ADORA2B: variants seen among roughly 807,000 people sequenced by gnomAD.
ADORA2B encodes adenosine receptor A2b.
A neutral mutation model predicts 20.8 loss-of-function variants in ADORA2B; 18 were observed. The ratio of observed to expected loss-of-function variants is 0.87; its 90% CI spans 0.60 to 1.29. The LOEUF (loss-of-function observed/expected upper bound fraction) is 1.29, where lower values mean the gene tolerates loss of function less well. Among genes scored for constraint, ADORA2B ranks in the 50% most tolerant of loss-of-function variants. The probability of loss-of-function intolerance (pLI) is 0.00; values close to 1 mark genes in which losing one functional copy is unlikely to be tolerated. For synonymous variants in ADORA2B, 179 were observed against 178.3 expected, an observed-to-expected ratio of 1.00 and a Z score of -0.03; for missense variants, 441 against 422.7, an observed-to-expected ratio of 1.04 and a Z score of -0.38.
chr17:15,951,850 G>T (rs186442412), intron 1 of ADORA2B, among the ~76,000 whole-genome samples: 2 of 152,198 alleles, frequency 1.3e-5, no homozygotes, highest in African/African-American at 4.8e-5. Flanking sequence ...GAAGGAGGCC[G>T]GGAAGGAGGG....
At chr17:15,918,402 C>CCTAGT in the ADORA2B span, among the ~76,000 whole-genome samples, 1 of 152,206 alleles carries the variant, frequency 6.6e-6, no homozygotes, top group Non-Finnish European at 1.5e-5. Flanking sequence ...AGTTTGTAGG[C>CCTAGT]TGAGTACAGT....
the ADORA2B span, among the ~76,000 whole-genome samples, chr17:15,907,681 A>C: frequency 1.4e-4 from 22 of 152,310 alleles, no homozygotes; most frequent in East Asian, 3.9e-3. Flanking sequence ...ACAACAACAA[A>C]AAACACATTA....
intron 1 of ADORA2B, among the ~76,000 whole-genome samples, chr17:15,969,899 G>A (rs1970168775): frequency 1.3e-5 from 2 of 152,200 alleles, no homozygotes; most frequent in Non-Finnish European, 2.9e-5. Flanking sequence ...CGGTGCCTAT[G>A]AACTGGCCCC....
At chr17:15,939,916 A>T in the ADORA2B span, among the ~76,000 whole-genome samples, 4 of 151,378 alleles carry the variant, frequency 2.6e-5, no homozygotes, top group African/African-American at 9.7e-5. Context: ...CTGAGGGCAG[A>T]GTGAATGTAT....
At chr17:15,920,668 C>T in the ADORA2B span, among the ~76,000 whole-genome samples, 1 of 151,062 alleles carries the variant, frequency 6.6e-6, no homozygotes, top group East Asian at 1.9e-4. Context: ...TTGCAGTGAG[C>T]CAAGATCGTG....
chr17:15,913,050 G>C, the ADORA2B span, among the ~76,000 whole-genome samples: 2 of 152,334 alleles, frequency 1.3e-5, no homozygotes, highest in African/African-American at 4.8e-5. Context: ...TGTCAGGTGA[G>C]AGGCTCCCAA....
At chr17:15,957,776 T>C (rs951318957) in intron 1 of ADORA2B, among the ~76,000 whole-genome samples, 2 of 152,090 alleles carry the variant, frequency 1.3e-5, no homozygotes, top group African/African-American at 2.4e-5. Context: ...TTTAAATGTG[T>C]TCAAACTCCT....
At chr17:15,949,517 A>G (rs958013390) in intron 1 of ADORA2B, among the ~76,000 whole-genome samples, 6 of 152,162 alleles carry the variant, frequency 3.9e-5, no homozygotes, top group African/African-American at 1.4e-4. Flanking sequence ...TGTCTCACAC[A>G]TACACAAAAA....
At chr17:15,912,214 CAAAAA>C in the ADORA2B span, among the ~76,000 whole-genome samples, 1 of 75,918 alleles carries the variant, frequency 1.3e-5, no homozygotes. Context: ...GACTCTGTCT[CAAAAA>C]AAAAAAAAAA....
the ADORA2B span, among the ~76,000 whole-genome samples, chr17:15,883,401 G>T: frequency 2.0e-5 from 3 of 152,184 alleles, no homozygotes; most frequent in Non-Finnish European, 2.9e-5. Flanking sequence ...CATAGGCCAG[G>T]AATATGGGTC....
the ADORA2B span, among the ~76,000 whole-genome samples, chr17:15,881,578 G>A: frequency 6.6e-6 from 1 of 152,186 alleles, no homozygotes; most frequent in Non-Finnish European, 1.5e-5. Context: ...AAACACTGGG[G>A]AGGGAGCTTC....
At chr17:15,933,198 G>A in the ADORA2B span, among the ~76,000 whole-genome samples, 3 of 152,016 alleles carry the variant, frequency 2.0e-5, no homozygotes, top group African/African-American at 2.4e-5. Flanking sequence ...CTTGTGATCC[G>A]CCCGCCTCAG....
At chr17:15,859,772 C>T in the ADORA2B span, among the ~76,000 whole-genome samples, 12 of 152,030 alleles carry the variant, frequency 7.9e-5, no homozygotes, top group African/African-American at 2.4e-4. Flanking sequence ...GGCAACATAG[C>T]GAAACTCCAT....
chr17:15,862,092 A>G, the ADORA2B span, among the ~76,000 whole-genome samples: 1 of 150,606 alleles, frequency 6.6e-6, no homozygotes, highest in Admixed American at 6.6e-5. Context: ...GTCCTTTCAC[A>G]GTCTAAATAC....
chr17:15,943,362 G>A (rs1321599443), upstream of ADORA2B, among the ~76,000 whole-genome samples: 1 of 151,990 alleles, frequency 6.6e-6, no homozygotes, highest in Admixed American at 6.6e-5. Flanking sequence ...TCCCTCTTTT[G>A]CCCAGCCTGG....
At chr17:15,873,506 A>G in the ADORA2B span, among the ~76,000 whole-genome samples, 1 of 152,208 alleles carries the variant, frequency 6.6e-6, no homozygotes, top group Non-Finnish European at 1.5e-5. Flanking sequence ...ACAAAGGACT[A>G]GTATCCAGAA....
chr17:15,925,458 A>G, the ADORA2B span, among the ~76,000 whole-genome samples: 2 of 152,290 alleles, frequency 1.3e-5, no homozygotes, highest in African/African-American at 4.8e-5. Flanking sequence ...CTGAAAGTTT[A>G]TTTTTATATG....
chr17:15,954,886 G>A (rs1028176618), intron 1 of ADORA2B, among the ~76,000 whole-genome samples: 3 of 152,246 alleles, frequency 2.0e-5, no homozygotes, highest in African/African-American at 7.2e-5. Flanking sequence ...ACAAAGTCTG[G>A]TGTGTAATGA....
the ADORA2B span, among the ~76,000 whole-genome samples, chr17:15,866,736 T>G: frequency 0.095 from 11,449 of 120,604 alleles, no homozygotes; most frequent in South Asian, 0.12. Context: ...TGCCGCTGCC[T>G]CTGCCTCTGC....
Sources: allele counts gnomAD v4.1 joint callset (sites outside exome capture counted in the v4.1 genomes callset), GRCh38; gene constraint gnomAD v4.1.1; transcripts MANE v1.5; gene names NCBI Gene and HGNC (gene_info 2026-07-23, HGNC 2026-07-21).